Variants in PILRA observed in about 807,000 individuals in gnomAD.
The protein encoded by PILRA is paired immunoglobin like type 2 receptor alpha, also known as paired immunoglobulin-like type 2 receptor alpha.
PILRA carries 37 observed loss-of-function variants against 33.1 expected under a neutral mutation model. The ratio of observed to expected loss-of-function variants is 1.12; its 90% confidence interval spans 0.86 to 1.47. PILRA has a LOEUF of 1.47. Among genes scored for constraint, PILRA ranks in the 40% most tolerant of loss-of-function variants. The probability of loss-of-function intolerance (pLI) is 0.00; values close to 1 mark genes in which losing one functional copy is unlikely to be tolerated. For missense variants in PILRA, 312 were observed against 376.2 expected (o/e 0.83, Z 1.41); for synonymous variants, 146 against 149.9 (o/e 0.97, Z 0.19).
At chr7:100,374,470 G>A (rs770085510) in intron 2 of PILRA, 37 bp downstream of exon 2, 10 of 1,611,850 alleles carry the variant, frequency 6.2e-6, no homozygotes, top group South Asian at 4.4e-5. Flanking sequence ...TTTGCCCACC[G>A]CAGTGAGGCT....
intron 3 of PILRA, among the ~76,000 whole-genome samples, chr7:100,396,531 A>T (rs915127583): frequency 2.6e-5 from 4 of 152,240 alleles, no homozygotes; most frequent in Middle Eastern, 3.4e-3. Context: ...GGGCGTCTGT[A>T]ATCTCAGCTA....
At chr7:100,380,273 A>C (rs1481601689) in intron 2 of PILRA, among the ~76,000 whole-genome samples, 2 of 152,182 alleles carry the variant, frequency 1.3e-5, no homozygotes, top group Non-Finnish European at 2.9e-5. Context: ...AAATGAAACA[A>C]ACTTCTCCCA....
intron 2 of PILRA, among the ~76,000 whole-genome samples, chr7:100,377,864 C>G (rs1382335849): frequency 1.3e-5 from 2 of 152,120 alleles, no homozygotes; most frequent in Non-Finnish European, 2.9e-5. Context: ...GCATTTTTAT[C>G]TGCTTCTCTA....
rs1790868383 is a variant in PILRA at position 100,373,662 on chromosome 7, T to C, written c.6T>C (p.Gly2=). 3.1e-6 allele frequency: 5 copies of C among 1,613,474 alleles called. No individual in the cohort carries two copies. Among genetic ancestry groups the C allele is most frequent in the Non-Finnish European group, 4.2e-6 (5 of 1,179,920 alleles). The part of the protein sequence containing the change: M[G]RPLLLPLLPL... Reference sequence around the variant, plus strand: ...CCCTGGAGAAGAACAAGGCCATGGGTCGGCCCCTGCTGCTGCCCCTACTGC... The same window carrying C: ...CCCTGGAGAAGAACAAGGCCATGGGCCGGCCCCTGCTGCTGCCCCTACTGC... Residue 2 remains glycine, a synonymous_variant, in exon 1 of 7, where the codon GGT becomes GGC. Coordinates refer to ENST00000198536, the MANE Select transcript of PILRA (RefSeq NM_013439.3).
chr7:100,378,437 GAAAAAC>G (rs1447040612), intron 2 of PILRA, among the ~76,000 whole-genome samples: 4 of 152,028 alleles, frequency 2.6e-5, no homozygotes, highest in African/African-American at 9.7e-5. Flanking sequence ...TCCAGTTTAG[GAAAAAC>G]AAAAACAAAA....
chr7:100,399,653 C>G, intron 6 of PILRA, 41 bp downstream of exon 6: 1 of 1,613,194 alleles, frequency 6.2e-7, no homozygotes, highest in Non-Finnish European at 8.5e-7. Flanking sequence ...TAAAGAGAAG[C>G]CTGGAGAAGG....
Position 100,399,330 on chromosome 7 carries a change from C to T in PILRA, c.747C>T (p.Ile249=). ...FQNTEEPYEN[I]RNEGQNTDPK... is the part of the protein sequence containing the mutation. ...ACACAGAGGAGCCATATGAGAATAT[C>T]AGGAATGAAGGTGAGTCCTTACCAC... Residue 249 remains isoleucine (I), a synonymous_variant, in exon 5 of 7, where the codon ATC becomes ATT. Transcript: ENST00000198536. 6.2e-7 allele frequency: 1 copy of T among 1,612,258 alleles called. No homozygotes were observed. Among genetic ancestry groups the T allele is most frequent in the Non-Finnish European group, 8.5e-7 (1 of 1,178,430 alleles).
chr7:100,390,927 G>A (rs1419673859), intron 3 of PILRA, among the ~76,000 whole-genome samples: 1 of 152,072 alleles, frequency 6.6e-6, no homozygotes, highest in African/African-American at 2.4e-5. Context: ...CTATGGAGGA[G>A]TGGCCAGAGG....
At chr7:100,386,367 G>A (rs1237734375) in intron 2 of PILRA, among the ~76,000 whole-genome samples, 1 of 152,082 alleles carries the variant, frequency 6.6e-6, no homozygotes, top group Non-Finnish European at 1.5e-5. Flanking sequence ...AGCCAGGTGT[G>A]GTGGCATGCA....
chr7:100,381,001 T>C (rs1434447175), intron 2 of PILRA, among the ~76,000 whole-genome samples: 1 of 147,434 alleles, frequency 6.8e-6, no homozygotes, highest in African/African-American at 2.5e-5. Flanking sequence ...ACACGGTGGC[T>C]CACGCCTGTA....
rs372167911 is a variant in PILRA at position 100,382,007 on chromosome 7, A to G, written c.454+7574A>G. On this transcript the variant is annotated intron_variant, in intron 2 of 6. Coordinates refer to ENST00000198536, the MANE Select transcript of PILRA (RefSeq NM_013439.3). ...CCGCCATGCCTCAGTCCCCACCCCC[A>G]CCCCCACCCCACCCCCGTAGGCTCC... Among the ~76,000 whole-genome samples the G allele has an allele frequency of 1.4e-3, 137 of 101,366 alleles. 1 individual carries two copies. Among genetic ancestry groups the G allele is most frequent in the African/African-American group, 5.0e-3 (134 of 26,990 alleles). 66.5% of individuals were successfully genotyped at this position (101,366 alleles called of 152,430 possible). A position where few individuals can be genotyped will look rare whatever the true frequency, so the allele number is the denominator to read the frequency against.
chr7:100,399,537 T>A, intron 5 of PILRA, 44 bp from the exon 6 acceptor site: 1 of 1,612,164 alleles, frequency 6.2e-7, no homozygotes, highest in Non-Finnish European at 8.5e-7. Context: ...CTCCCCTGGC[T>A]GTCACGCCAC....
intron 3 of PILRA, among the ~76,000 whole-genome samples, chr7:100,395,181 T>C (rs976892840): frequency 3.3e-5 from 5 of 152,252 alleles, no homozygotes; most frequent in Admixed American, 6.5e-5. Context: ...CCAGAGATGA[T>C]ATATGCTATG....
At chr7:100,373,847 C>G in intron 1 of PILRA, 127 bp downstream of exon 1, 1 of 1,352,500 alleles carries the variant, frequency 7.4e-7, no homozygotes, top group African/African-American at 1.4e-5. Context: ...GCGGGTCCCA[C>G]AGGGGCGGGT....
intron 2 of PILRA, among the ~76,000 whole-genome samples, chr7:100,384,981 G>T (rs1419050301): frequency 6.6e-6 from 1 of 152,130 alleles, no homozygotes; most frequent in Non-Finnish European, 1.5e-5. Context: ...GAAGCCAAGT[G>T]AATAACTCAC....
At chr7:100,381,460 A>T (rs1022476926) in intron 2 of PILRA, among the ~76,000 whole-genome samples, 20 of 151,814 alleles carry the variant, frequency 1.3e-4, no homozygotes, top group South Asian at 1.2e-3. Flanking sequence ...AAAAAAAAAA[A>T]AAAAAATTAA....
chr7:100,382,274 C>T (rs998037616), intron 2 of PILRA, among the ~76,000 whole-genome samples: 3 of 152,124 alleles, frequency 2.0e-5, no homozygotes, highest in Admixed American at 1.3e-4. Context: ...TCTGTATCTA[C>T]GTCAAGGTTT....
chr7:100,395,763 C>T (rs541945441), intron 3 of PILRA, among the ~76,000 whole-genome samples: 3 of 152,102 alleles, frequency 2.0e-5, no homozygotes, highest in South Asian at 2.1e-4. Flanking sequence ...GGGGCCCTTG[C>T]GCACTGTTGA....
chr7:100,373,602 T>A lies in PILRA; in HGVS notation c.-55T>A, dbSNP rs1790865713. ...CCAGGCGGCCCCTCCACAGGGCCCC[T>A]CTCCTGCCTGGACGGCTCTGCTGGT... On this transcript the variant is annotated 5_prime_UTR_variant, in exon 1 of 7. Transcript: ENST00000198536. 5 of 1,607,854 alleles carry A rather than the reference T, an allele frequency of 3.1e-6. No individual in the cohort carries two copies. In the African/African-American group the frequency reaches 6.7e-5, roughly 22 times the overall value.
Sources: allele counts gnomAD v4.1 joint callset (sites outside exome capture counted in the v4.1 genomes callset), GRCh38; gene constraint gnomAD v4.1.1; transcripts MANE v1.5; gene names NCBI Gene and HGNC (gene_info 2026-07-23, HGNC 2026-07-21).